TRAPPC6A: variants seen among roughly 807,000 people sequenced by gnomAD.
TRAPPC6A encodes TRAPP complex subunit 6A.
TRAPPC6A carries 25 observed loss-of-function variants against 20.8 expected under a neutral mutation model. The ratio of observed to expected loss-of-function variants is 1.20; its 90% CI spans 0.88 to 1.68. The LOEUF (loss-of-function observed/expected upper bound fraction) is 1.68. TRAPPC6A is among the 40% of genes most tolerant of loss of function. TRAPPC6A has a pLI of 0.00. For synonymous variants in TRAPPC6A, 96 were observed against 93.3 expected (o/e 1.03, Z -0.16); for missense variants, 215 against 211.6 (o/e 1.02, Z -0.10).
chr19:45,170,265 C>T (rs899421331), intron 1 of TRAPPC6A, among the ~76,000 whole-genome samples: 8 of 152,220 alleles, frequency 5.3e-5, no homozygotes, highest in African/African-American at 1.9e-4. Flanking sequence ...CAGTCCCTGC[C>T]CTGCTGGAGC....
chr19:45,170,036 G>A (rs770664128), intron 1 of TRAPPC6A, among the ~76,000 whole-genome samples: 3 of 152,154 alleles, frequency 2.0e-5, no homozygotes, highest in Non-Finnish European at 2.9e-5. Flanking sequence ...CAAGGGGCCC[G>A]GGCAGTGCAG....
At chr19:45,169,373 T>C (rs1286608894) in intron 1 of TRAPPC6A, among the ~76,000 whole-genome samples, 1 of 152,202 alleles carries the variant, frequency 6.6e-6, no homozygotes, top group East Asian at 1.9e-4. Context: ...CTTGGCTCAC[T>C]GCAGCCTCTA....
chr19:45,164,639 G>A, intron 3 of TRAPPC6A: 1 of 602,812 alleles, frequency 1.7e-6, no homozygotes, highest in Non-Finnish European at 3.0e-6. Context: ...GCTCACTCCT[G>A]GTAGGCTGGA....
intron 1 of TRAPPC6A, among the ~76,000 whole-genome samples, chr19:45,177,462 TC>T (rs780071465): frequency 2.6e-5 from 4 of 152,016 alleles, no homozygotes; most frequent in Middle Eastern, 3.2e-3. Flanking sequence ...TGTCTCAGCC[TC>T]CCGAGTAGCT....
At chr19:45,175,363 C>T (rs1241706708) in intron 1 of TRAPPC6A, among the ~76,000 whole-genome samples, 3 of 150,168 alleles carry the variant, frequency 2.0e-5, no homozygotes, top group Non-Finnish European at 4.4e-5. Flanking sequence ...GGAGGCGGAG[C>T]TTGCAGTGAG....
chr19:45,164,254 G>C lies in TRAPPC6A; in HGVS notation c.271-7C>G, dbSNP rs746985372. On this transcript the variant is annotated splice_polypyrimidine_tract_variant and splice_region_variant and intron_variant, in intron 3 of 5. Coordinates refer to ENST00000585934, the MANE Select transcript of TRAPPC6A (RefSeq NM_001270891.2). ...CTTGCAGGACGTAGGTCCCCTGGGGGAGAGGAGAGGCTGGTGGGTGGGGTC... is the reference window on the plus strand; with the variant it reads ...CTTGCAGGACGTAGGTCCCCTGGGGCAGAGGAGAGGCTGGTGGGTGGGGTC... 1.9e-6 allele frequency: 3 copies of C among 1,591,962 alleles called. No individual in the cohort carries two copies. The highest frequency in any genetic ancestry group is 2.6e-6 in the Non-Finnish European group (3 of 1,167,538).
chr19:45,164,043 A>C (rs1969080447), intron 4 of TRAPPC6A, 34 bp from the exon 5 acceptor site: 1 of 1,558,112 alleles, frequency 6.4e-7, no homozygotes, highest in Non-Finnish European at 8.7e-7. Context: ...ATGGGAAGAG[A>C]GGGGAGGCCA....
In TRAPPC6A at chr19:45,163,029, C is replaced by CATTAAAAAA; in HGVS notation, c.*162_*163insTTTTTTAAT. 4.0e-6 allele frequency: 3 copies of CATTAAAAAA among 741,412 alleles called. No individual in the cohort carries two copies. Among genetic ancestry groups the CATTAAAAAA allele is most frequent in the Admixed American group, 2.8e-5 (1 of 35,788 alleles). The allele number at this position is 741,412 out of a possible 1,614,324, so 45.9% of individuals were successfully genotyped here. On this transcript the variant is annotated 3_prime_UTR_variant, in exon 6 of 6. Coordinates refer to ENST00000585934, the MANE Select transcript of TRAPPC6A (RefSeq NM_001270891.2). The surrounding 1 kb of genome is among the most constrained non-coding windows in gnomAD (Gnocchi z 5.3). ...CCTGACCGCAGCTGGGACCCCTTTG[C>CATTAAAAAA]CTCCTCTGACACCCCCACCTCAATT... is the stretch of plus-strand genomic sequence containing the variant.
At chr19:45,166,515 CTTT>C (rs1445580488) in intron 1 of TRAPPC6A, among the ~76,000 whole-genome samples, 1 of 137,132 alleles carries the variant, frequency 7.3e-6, no homozygotes, top group African/African-American at 2.7e-5. Flanking sequence ...GGCCATGGAT[CTTT>C]TTTTTTTTTT....
In TRAPPC6A at chr19:45,162,999, AC is replaced by A; in HGVS notation, c.*192del. The A allele has an allele frequency of 1.9e-6, 1 of 537,592 alleles. No homozygotes were observed. The allele number at this position is 537,592 out of a possible 1,614,324, so 33.3% of individuals were successfully genotyped here. ...ACGCTGCCGAGGCGGGAATCCCACC[AC>A]AGTCCTGACCGCAGCTGGGACCCCT... On this transcript the variant is annotated 3_prime_UTR_variant, in exon 6 of 6. Coordinates refer to ENST00000585934, the MANE Select transcript of TRAPPC6A (RefSeq NM_001270891.2).
chr19:45,177,911 T>G (rs1969426687), intron 1 of TRAPPC6A, among the ~76,000 whole-genome samples: 1 of 152,246 alleles, frequency 6.6e-6, no homozygotes, highest in African/African-American at 2.4e-5. Flanking sequence ...ACTCAGGCCT[T>G]GAGCTAAGTG....
intron 1 of TRAPPC6A, among the ~76,000 whole-genome samples, chr19:45,171,889 C>T (rs1056346370): frequency 6.6e-6 from 1 of 152,238 alleles, no homozygotes; most frequent in Non-Finnish European, 1.5e-5. Flanking sequence ...CCTTTAGACA[C>T]TTGGGAGCTC....
At position 45,178,122 on chromosome 19, in the gene TRAPPC6A, G is replaced by A. The variant is rs372125874; in HGVS notation, c.84+13C>T. 31 of 1,613,188 alleles carry A rather than the reference G, an allele frequency of 1.9e-5. No individual in the cohort carries two copies. The South Asian group carries it at 2.6e-4, about 14-fold the overall frequency. ...GTGGCCCCCGCTTCCTCCCCACGGA[G>A]CCCGGCGCTCACCCCCGGGCCGGGG... On this transcript the variant is annotated intron_variant, in intron 1 of 5. Coordinates refer to ENST00000585934, the MANE Select transcript of TRAPPC6A (RefSeq NM_001270891.2).
chr19:45,163,234 A>C lies in TRAPPC6A; in HGVS notation c.449-11T>G. The C allele has an allele frequency of 1.2e-6, 2 of 1,613,800 alleles. No homozygotes were observed. Among genetic ancestry groups the C allele is most frequent in the Non-Finnish European group, 1.7e-6 (2 of 1,179,808 alleles). ...CCACCTGGAACTTACCTGGAAGAGAAGGCCTGGCTTAGGCTTGAGGATGGG... is the reference window on the plus strand; with the variant it reads ...CCACCTGGAACTTACCTGGAAGAGACGGCCTGGCTTAGGCTTGAGGATGGG... On this transcript the variant is annotated splice_polypyrimidine_tract_variant and intron_variant, in intron 5 of 5. Coordinates refer to ENST00000585934, the MANE Select transcript of TRAPPC6A (RefSeq NM_001270891.2). The surrounding 1 kb of genome is among the most constrained non-coding windows in gnomAD (Gnocchi z 5.3).
rs1302535833 is a variant in TRAPPC6A at position 45,173,678 on chromosome 19, T to C, written c.84+4457A>G. Among the ~76,000 whole-genome samples the C allele has an allele frequency of 6.6e-6, 1 of 152,142 alleles. No homozygotes were observed. Among genetic ancestry groups the C allele is most frequent in the Non-Finnish European group, 1.5e-5 (1 of 68,024 alleles). On this transcript the variant is annotated intron_variant, in intron 1 of 5. Transcript: ENST00000585934. The surrounding 1 kb of genome is among the most constrained non-coding windows in gnomAD (Gnocchi z 4.8). ...CCTGTCTGGTTCAGAGGAACCCTTT[T>C]GGGCCAAAGAGAAGGAATGGAGAGA...
At position 45,163,943 on chromosome 19, in the gene TRAPPC6A, T is replaced by A; in HGVS notation, c.421A>T (p.Thr141Ser). ...LYTLGIESVV[T>S]ASVAALPVCK... is the part of the protein sequence containing the mutation. ...ACGGGCAGGGCTGCCACGGAGGCGG[T>A]GACCACGCTCTCAATGCCCAGGGTA... Residue 141 changes from threonine (T) to serine (S), a missense_variant, in exon 5 of 6, where the codon ACC (threonine) becomes TCC (serine). Thr to Ser is a moderately conservative substitution (Grantham distance 58). Coordinates refer to ENST00000585934, the MANE Select transcript of TRAPPC6A (RefSeq NM_001270891.2). The surrounding 1 kb of genome is among the most constrained non-coding windows in gnomAD (Gnocchi z 5.3). The A allele has an allele frequency of 6.3e-7, 1 of 1,577,922 alleles. No homozygotes were observed. The highest frequency in any genetic ancestry group is 8.6e-7 in the Non-Finnish European group (1 of 1,162,652).
Position 45,178,233 on chromosome 19 carries a change from C to G in TRAPPC6A, c.-15G>C. 6.3e-7 allele frequency: 1 copy of G among 1,580,128 alleles called. No homozygotes were observed. The highest frequency in any genetic ancestry group is 8.6e-7 in the Non-Finnish European group (1 of 1,158,822). Reference sequence around the variant, plus strand: ...GTATCCGCCATGCCCCCTCCTCGCACGCCTAAAGATGCGCCCAGCGCTTCC... The same window carrying G: ...GTATCCGCCATGCCCCCTCCTCGCAGGCCTAAAGATGCGCCCAGCGCTTCC... On this transcript the variant is annotated 5_prime_UTR_variant, in exon 1 of 6. Transcript: ENST00000585934.
intron 1 of TRAPPC6A, among the ~76,000 whole-genome samples, chr19:45,174,259 A>AAGCCATG (rs1389949136): frequency 6.6e-6 from 1 of 152,080 alleles, no homozygotes; most frequent in Non-Finnish European, 1.5e-5. Context: ...CAAGAGTGAG[A>AAGCCATG]AGCCATGAGT....
chr19:45,163,266 G>A lies in TRAPPC6A; in HGVS notation c.449-43C>T, dbSNP rs760721182. ...GCTTAGGCTTGAGGATGGGATGGGG[G>A]AGGCAGAGGGCACCTGGACGGCTCT... is the stretch of plus-strand genomic sequence containing the variant. On this transcript the variant is annotated intron_variant, in intron 5 of 5. Transcript: ENST00000585934. The surrounding 1 kb of genome is among the most constrained non-coding windows in gnomAD (Gnocchi z 5.3). 1 of 1,610,600 alleles carries A rather than the reference G, an allele frequency of 6.2e-7. No homozygotes were observed. The highest frequency in any genetic ancestry group is 2.2e-5 in the East Asian group (1 of 44,818).
Sources: allele counts gnomAD v4.1 joint callset (sites outside exome capture counted in the v4.1 genomes callset), GRCh38; gene constraint gnomAD v4.1.1; non-coding constraint Gnocchi (gnomAD v3.1); transcripts MANE v1.5; gene names NCBI Gene and HGNC (gene_info 2026-07-23, HGNC 2026-07-21).